Variants in PRKCE observed in about 807,000 individuals in gnomAD.
The protein encoded by PRKCE is protein kinase C epsilon, also known as protein kinase C epsilon type.
A neutral mutation model predicts 85.4 loss-of-function variants in PRKCE; 16 were observed. The observed-to-expected ratio is 0.19, with a 90% confidence interval of 0.13 to 0.28. PRKCE has a LOEUF of 0.28. PRKCE is among the 10% of genes least tolerant of loss of function. The pLI is 1.00. For synonymous variants in PRKCE, 388 were observed against 371.5 expected (o/e 1.04, Z -0.51); for missense variants, 573 against 975.2 (o/e 0.59, Z 5.49).
rs184538107 is a variant in PRKCE at position 45,702,181 on chromosome 2, T to A, written c.348+49733T>A. 2.3e-4 allele frequency among the ~76,000 whole-genome samples: 35 copies of A among 152,290 alleles called. 1 individual carries two copies. In the East Asian group the frequency reaches 6.8e-3, roughly 29 times the overall value. On this transcript the variant is annotated intron_variant, in intron 1 of 14. Coordinates refer to ENST00000306156, the MANE Select transcript of PRKCE (RefSeq NM_005400.3). Reference sequence around the variant, plus strand: ...TCCAGCCTGGGTGACAGAGCGAGACTGTCTCAAAAAACAACGACAACAACA... The same window carrying A: ...TCCAGCCTGGGTGACAGAGCGAGACAGTCTCAAAAAACAACGACAACAACA...
chr2:45,967,981 G>C (rs1701844316), intron 2 of PRKCE, among the ~76,000 whole-genome samples: 1 of 152,084 alleles, frequency 6.6e-6, no homozygotes, highest in Admixed American at 6.5e-5. Context: ...ACCTGCCTGG[G>C]GAAAGATCCC....
chr2:46,141,220 T>C (rs1044671594), intron 11 of PRKCE, among the ~76,000 whole-genome samples: 1 of 152,200 alleles, frequency 6.6e-6, no homozygotes, highest in Non-Finnish European at 1.5e-5. Context: ...TGTAATAGCA[T>C]ATACTAGAAG....
intron 2 of PRKCE, among the ~76,000 whole-genome samples, chr2:45,938,966 A>G (rs2595190): frequency 0.17 from 26,004 of 151,992 alleles, 3,114 homozygotes; most frequent in East Asian, 0.62. Flanking sequence ...GGCTGAGTCA[A>G]CACTCAGGAA....
intron 6 of PRKCE, among the ~76,000 whole-genome samples, chr2:45,991,251 C>G (rs1245846384): frequency 6.6e-6 from 1 of 151,576 alleles, no homozygotes; most frequent in African/African-American, 2.4e-5. Context: ...AAGTGATCCA[C>G]CTACCTCAGC....
chr2:45,730,940 A>G (rs1681519934), intron 1 of PRKCE, among the ~76,000 whole-genome samples: 1 of 152,210 alleles, frequency 6.6e-6, no homozygotes, highest in South Asian at 2.1e-4. Flanking sequence ...TTATGGAGCA[A>G]TGATATTCCT....
chr2:45,747,529 A>G (rs1683234964), intron 1 of PRKCE, among the ~76,000 whole-genome samples: 1 of 152,214 alleles, frequency 6.6e-6, no homozygotes, highest in African/African-American at 2.4e-5. Flanking sequence ...GTTGTAGCAT[A>G]TGTCAGAACT....
intron 2 of PRKCE, among the ~76,000 whole-genome samples, chr2:45,876,898 G>A (rs769897014): frequency 2.0e-5 from 3 of 151,906 alleles, no homozygotes; most frequent in Non-Finnish European, 2.9e-5. Flanking sequence ...TAACTTTCTT[G>A]ACTTCTTTTG....
At chr2:45,653,510 C>A (rs1464770793) in intron 1 of PRKCE, among the ~76,000 whole-genome samples, 1 of 150,190 alleles carries the variant, frequency 6.7e-6, no homozygotes, top group East Asian at 2.0e-4. Flanking sequence ...TTTCAGGGTT[C>A]TTTGGTCTAC....
chr2:45,676,277 C>T (rs1434595657), intron 1 of PRKCE: 1 of 152,140 alleles, frequency 6.6e-6, no homozygotes, highest in Non-Finnish European at 1.5e-5. Flanking sequence ...TGCTTGTTCC[C>T]CCAGCAGCCT....
chr2:45,666,841 T>C (rs555330998), intron 1 of PRKCE, among the ~76,000 whole-genome samples: 2 of 152,098 alleles, frequency 1.3e-5, no homozygotes, highest in South Asian at 4.1e-4. Flanking sequence ...TTGGTTAAAT[T>C]TAAAAACAAA....
chr2:45,680,423 C>G (rs1433438473), intron 1 of PRKCE, among the ~76,000 whole-genome samples: 1 of 152,212 alleles, frequency 6.6e-6, no homozygotes, highest in Non-Finnish European at 1.5e-5. Context: ...TAAATATTCG[C>G]TAACCTGTGG....
At chr2:45,875,486 G>A (rs1272256220) in intron 2 of PRKCE, among the ~76,000 whole-genome samples, 2 of 152,216 alleles carry the variant, frequency 1.3e-5, no homozygotes, top group Non-Finnish European at 2.9e-5. Context: ...GGGTCTGGAG[G>A]CTTTAACAGA....
intron 10 of PRKCE, among the ~76,000 whole-genome samples, chr2:46,022,646 ACT>A (rs775705716): frequency 6.6e-6 from 1 of 152,226 alleles, no homozygotes. Context: ...AGGGTTCCAA[ACT>A]CAAACACATT....
intron 1 of PRKCE, among the ~76,000 whole-genome samples, chr2:45,662,649 A>G (rs1267609661): frequency 1.3e-5 from 2 of 149,470 alleles, no homozygotes; most frequent in African/African-American, 4.9e-5. Context: ...ATTATTCTCC[A>G]TGAAGTTTAG....
intron 10 of PRKCE, among the ~76,000 whole-genome samples, chr2:46,038,306 G>T (rs935334544): frequency 6.6e-6 from 1 of 152,094 alleles, no homozygotes; most frequent in South Asian, 2.1e-4. Context: ...GCAAAGTGGG[G>T]TGGGGAATTT....
chr2:45,890,245 A>T (rs761361436), intron 2 of PRKCE, among the ~76,000 whole-genome samples: 1 of 152,228 alleles, frequency 6.6e-6, no homozygotes, highest in African/African-American at 2.4e-5. Flanking sequence ...TTCCTAGCTT[A>T]GTTATTACCC....
intron 1 of PRKCE, among the ~76,000 whole-genome samples, chr2:45,818,292 T>C (rs1010055306): frequency 6.6e-6 from 1 of 152,220 alleles, no homozygotes; most frequent in African/African-American, 2.4e-5. Flanking sequence ...TTGTGACTTG[T>C]AGATTTCTAT....
In PRKCE at chr2:46,004,435, C is replaced by A; in HGVS notation, c.967-107C>A. On this transcript the variant is annotated intron_variant, in intron 7 of 14. Coordinates refer to ENST00000306156, the MANE Select transcript of PRKCE (RefSeq NM_005400.3). This position sits in a 1 kb window ranked among gnomAD's most constrained non-coding sequence, Gnocchi z 4.1. ...ACAGAGATCTACTGAATTCCTGCTG[C>A]TCTGGGAACTCTCATGGCTCTTATA... The A allele has an allele frequency of 1.1e-6, 1 of 927,110 alleles. No individual in the cohort carries two copies. The highest frequency in any genetic ancestry group is 1.7e-6 in the Non-Finnish European group (1 of 602,160). 57.4% of individuals were successfully genotyped at this position (927,110 alleles called of 1,614,324 possible). A position where few individuals can be genotyped will look rare whatever the true frequency, so the allele number is the denominator to read the frequency against.
At chr2:45,778,224 TAGA>T (rs1192483623) in intron 1 of PRKCE, among the ~76,000 whole-genome samples, 4 of 152,100 alleles carry the variant, frequency 2.6e-5, no homozygotes, top group Non-Finnish European at 4.4e-5. Flanking sequence ...AGACTTTGTC[TAGA>T]AGAAGTGGGG....
Sources: gnomAD v4.1 joint callset for allele counts (sites outside exome capture counted in the v4.1 genomes callset) on GRCh38, gnomAD v4.1.1 for gene constraint, Gnocchi (gnomAD v3.1) non-coding constraint, MANE v1.5 for transcripts, NCBI Gene and HGNC (gene_info 2026-07-23, HGNC 2026-07-21) for gene names.